AGBL1: variants seen among roughly 807,000 people sequenced by gnomAD.
The protein encoded by AGBL1 is cytosolic carboxypeptidase 4.
A neutral mutation model predicts 118.9 loss-of-function variants in AGBL1; 130 were observed. That is an observed-to-expected ratio of 1.09 (90% CI 0.95 to 1.26). The LOEUF (loss-of-function observed/expected upper bound fraction) is 1.26. Among genes scored for constraint, AGBL1 ranks in the 50% most tolerant of loss-of-function variants. AGBL1 has a pLI of 0.00. For missense variants in AGBL1, 1,584 were observed against 1,298.1 expected (o/e 1.22, Z -3.38); for synonymous variants, 555 against 478.9 (o/e 1.16, Z -2.08).
intron 22 of AGBL1, among the ~76,000 whole-genome samples, chr15:86,857,530 G>A (rs2079500146): frequency 6.6e-6 from 1 of 152,142 alleles, no homozygotes; most frequent in Non-Finnish European, 1.5e-5. Flanking sequence ...CGCCCCACCT[G>A]CCTCTACCTG....
chr15:86,830,734 A>G (rs1452097543), intron 22 of AGBL1, among the ~76,000 whole-genome samples: 1 of 152,206 alleles, frequency 6.6e-6, no homozygotes, highest in Non-Finnish European at 1.5e-5. Flanking sequence ...TTATCCTGGA[A>G]GGGTATTAAT....
chr15:86,769,176 G>A (rs6145670), intron 22 of AGBL1, among the ~76,000 whole-genome samples: 19 of 66,596 alleles, frequency 2.9e-4, no homozygotes, highest in African/African-American at 8.6e-4. Context: ...ATTTTGAGAG[G>A]GAGAGAGAGA....
chr15:86,434,945 C>T (rs1471322428), intron 18 of AGBL1, among the ~76,000 whole-genome samples: 5 of 152,192 alleles, frequency 3.3e-5, no homozygotes, highest in Non-Finnish European at 5.9e-5. Flanking sequence ...CACATAGCCG[C>T]AGCAATTACT....
chr15:86,330,503 C>T (rs1430473787), intron 17 of AGBL1, among the ~76,000 whole-genome samples: 1 of 152,180 alleles, frequency 6.6e-6, no homozygotes, highest in Non-Finnish European at 1.5e-5. Context: ...AAAATAATTA[C>T]ACAAATTAGA....
chr15:86,996,717 G>A (rs910923017), intron 24 of AGBL1, among the ~76,000 whole-genome samples: 7 of 152,126 alleles, frequency 4.6e-5, no homozygotes, highest in African/African-American at 1.7e-4. Flanking sequence ...AAACACATTA[G>A]ATCTGTTTGC....
At chr15:86,478,489 C>T (rs562014801) in intron 18 of AGBL1, among the ~76,000 whole-genome samples, 71 of 152,190 alleles carry the variant, frequency 4.7e-4, no homozygotes, top group African/African-American at 1.7e-3. Context: ...ACAATTGCTT[C>T]GAAGAGAATA....
At chr15:86,405,292 A>G (rs915687535) in intron 18 of AGBL1, among the ~76,000 whole-genome samples, 5 of 152,054 alleles carry the variant, frequency 3.3e-5, no homozygotes, top group African/African-American at 4.8e-5. Context: ...CAGGCAGATC[A>G]CGAGGTCAGG....
intron 21 of AGBL1, among the ~76,000 whole-genome samples, chr15:86,623,087 C>G (rs1378052476): frequency 6.6e-6 from 1 of 152,182 alleles, no homozygotes; most frequent in Non-Finnish European, 1.5e-5. Flanking sequence ...ATGGGAGGTG[C>G]CTGTAAATAC....
intron 22 of AGBL1, among the ~76,000 whole-genome samples, chr15:86,807,378 A>AT (rs1263059987): frequency 6.6e-6 from 1 of 152,164 alleles, no homozygotes; most frequent in East Asian, 1.9e-4. Context: ...CGTTGGAAGC[A>AT]TTGAGCACCA....
Position 86,978,331 on chromosome 15 carries a change from A to G in AGBL1, c.3222-9656A>G, listed in dbSNP as rs960162634. ...GGAATTGACCAGATAGCACAAAGCG[A>G]TTGTAAGTTTCAGTTAGGGCACATA... On this transcript the variant is annotated intron_variant, in intron 23 of 24. Transcript: ENST00000441037. Among the ~76,000 whole-genome samples the G allele has an allele frequency of 2.0e-5, 3 of 152,324 alleles. No homozygotes were observed. The East Asian group carries it at 5.8e-4, about 29-fold the overall frequency.
At chr15:86,133,898 A>G (rs542553660) in intron 1 of AGBL1, among the ~76,000 whole-genome samples, 2 of 152,174 alleles carry the variant, frequency 1.3e-5, no homozygotes, top group South Asian at 4.2e-4. Context: ...ATTACCTACC[A>G]CCCAGCTTCT....
At chr15:86,798,726 A>T (rs1269870521) in intron 22 of AGBL1, among the ~76,000 whole-genome samples, 4 of 149,324 alleles carry the variant, frequency 2.7e-5, no homozygotes. Context: ...CTGGATATCC[A>T]GGACCGGCAA....
intron 22 of AGBL1, among the ~76,000 whole-genome samples, chr15:86,753,649 T>C (rs934585018): frequency 1.2e-4 from 19 of 152,026 alleles, no homozygotes; most frequent in African/African-American, 4.6e-4. Flanking sequence ...CCACCCACCT[T>C]GGCCTCCCAA....
chr15:86,861,707 G>GT (rs1264350586), intron 22 of AGBL1, among the ~76,000 whole-genome samples: 3 of 152,144 alleles, frequency 2.0e-5, no homozygotes, highest in African/African-American at 7.2e-5. Flanking sequence ...AATGTTAGCT[G>GT]TTTTTTAAAA....
In AGBL1 at chr15:86,671,059, C is replaced by G. The variant is rs919094434; in HGVS notation, c.2995-3214C>G. 7.2e-5 allele frequency among the ~76,000 whole-genome samples: 11 copies of G among 152,264 alleles called. No individual in the cohort carries two copies. The East Asian group carries it at 2.1e-3, about 30-fold the overall frequency. ...TGACACTCATTTCTAACCCTCTTCT[C>G]TCTTACCTGTCTCTTTTAAGGAGGG... On this transcript the variant is annotated intron_variant, in intron 21 of 22. Coordinates refer to ENST00000614907, the MANE Select transcript of AGBL1 (RefSeq NM_001386094.1).
intron 22 of AGBL1, among the ~76,000 whole-genome samples, chr15:86,900,114 C>T (rs539653911): frequency 6.6e-6 from 1 of 152,250 alleles, no homozygotes; most frequent in African/African-American, 2.4e-5. Flanking sequence ...TTGCCAGGAG[C>T]TCTCGGGCCT....
chr15:86,191,681 T>A (rs1428705229), intron 5 of AGBL1, among the ~76,000 whole-genome samples: 3 of 152,104 alleles, frequency 2.0e-5, no homozygotes, highest in Admixed American at 6.6e-5. Flanking sequence ...CAGGCATCCT[T>A]CACTTGCCTC....
chr15:86,295,184 G>A (rs981017755), intron 16 of AGBL1, 71 bp from the exon 17 acceptor site: 17 of 1,517,004 alleles, frequency 1.1e-5, no homozygotes, highest in Admixed American at 9.4e-5. Context: ...TATGTAAGCC[G>A]TTGTTGTTTT....
intron 22 of AGBL1, among the ~76,000 whole-genome samples, chr15:86,781,266 C>T (rs545482644): frequency 4.0e-5 from 6 of 151,876 alleles, no homozygotes; most frequent in African/African-American, 1.5e-4. Context: ...CTATGTTTTG[C>T]CTTTAGTTTT....
Sources: gnomAD v4.1 joint callset for allele counts (sites outside exome capture counted in the v4.1 genomes callset) on GRCh38, gnomAD v4.1.1 for gene constraint, MANE v1.5 for transcripts, NCBI Gene and HGNC (gene_info 2026-07-23, HGNC 2026-07-21) for gene names.